Variants in TTC6 observed in about 807,000 individuals in gnomAD.
TTC6 encodes the protein tetratricopeptide repeat domain 6.
In TTC6, 172 loss-of-function variants were observed where a neutral mutation model predicts 210.4. The observed-to-expected ratio is 0.82, with a 90% CI of 0.72 to 0.93. The LOEUF (loss-of-function observed/expected upper bound fraction) is 0.93. Ranked by LOEUF, TTC6 falls within the 40% of genes least tolerant of loss-of-function variation. The pLI is 0.00. For missense variants in TTC6, 2,414 were observed against 2,318.1 expected (o/e 1.04, Z -0.85); for synonymous variants, 804 against 819.6 (o/e 0.98, Z 0.32).
At chr14:37,668,216 C>T (rs1468015638) in intron 1 of TTC6, among the ~76,000 whole-genome samples, 1 of 150,382 alleles carries the variant, frequency 6.6e-6, no homozygotes, top group Non-Finnish European at 1.5e-5. Context: ...GAGGGTTCTT[C>T]ATAATTTGAC....
At chr14:37,605,831 T>C (rs2139231046) in intron 1 of TTC6, among the ~76,000 whole-genome samples, 1 of 152,290 alleles carries the variant, frequency 6.6e-6, no homozygotes, top group African/African-American at 2.4e-5. Flanking sequence ...TACACCTGCT[T>C]TAGACCAGGC....
intron 1 of TTC6, among the ~76,000 whole-genome samples, chr14:37,659,470 A>G (rs986531785): frequency 6.6e-6 from 1 of 151,488 alleles, no homozygotes; most frequent in Non-Finnish European, 1.5e-5. Flanking sequence ...TTTTTTAATA[A>G]TAGCCATTCT....
intron 20 of TTC6, among the ~76,000 whole-genome samples, chr14:37,803,489 G>A (rs1234250329): frequency 2.0e-5 from 3 of 152,200 alleles, no homozygotes; most frequent in Non-Finnish European, 1.5e-5. Context: ...GAAAGAGAGA[G>A]AGATGGAGGA....
chr14:37,608,576 G>A (rs924330461), intron 2 of TTC6, among the ~76,000 whole-genome samples: 11 of 152,102 alleles, frequency 7.2e-5, no homozygotes, highest in Non-Finnish European at 1.3e-4. Flanking sequence ...CAAAGTGCTG[G>A]AATTACAGGT....
At chr14:37,811,033 A>T (rs34469876) in intron 24 of TTC6, among the ~76,000 whole-genome samples, 5,073 of 152,306 alleles carry the variant, frequency 0.033, 134 homozygotes, top group Non-Finnish European at 0.052. Context: ...GGGGCTAGTA[A>T]TGATAACAGA....
intron 3 of TTC6, among the ~76,000 whole-genome samples, chr14:37,692,864 TAAATAAA>T (rs1349243077): frequency 8.7e-5 from 1 of 11,462 alleles, no homozygotes; most frequent in African/African-American, 1.3e-3. Context: ...ATCTCAAAAA[TAAATAAA>T]TAAATAAATA....
At chr14:37,642,317 T>G (rs1004457749) in intron 1 of TTC6, among the ~76,000 whole-genome samples, 2 of 152,116 alleles carry the variant, frequency 1.3e-5, no homozygotes, top group Admixed American at 1.3e-4. Context: ...GCACCTAAGG[T>G]AGCACATTTT....
intron 14 of TTC6, among the ~76,000 whole-genome samples, chr14:37,770,881 G>A: frequency 6.7e-6 from 1 of 149,912 alleles, no homozygotes; most frequent in East Asian, 2.0e-4. Flanking sequence ...ATTAGTTGAT[G>A]CAGTTTCTTC....
intron 6 of TTC6, among the ~76,000 whole-genome samples, chr14:37,717,892 G>A (rs1363254180): frequency 6.6e-6 from 1 of 152,198 alleles, no homozygotes; most frequent in Non-Finnish European, 1.5e-5. Context: ...CCTTTAAGAG[G>A]TGATTAGGCC....
At chr14:37,837,839 A>T (rs992112673) in intron 29 of TTC6, among the ~76,000 whole-genome samples, 58 of 152,222 alleles carry the variant, frequency 3.8e-4, no homozygotes, top group Non-Finnish European at 7.8e-4. Context: ...CATATCACCC[A>T]TGATGGAAGT....
intron 13 of TTC6, 94 bp from the exon 16 acceptor site, chr14:37,753,005 G>A (rs1195488709): frequency 2.8e-5 from 28 of 984,214 alleles, no homozygotes; most frequent in Admixed American, 3.6e-5. Context: ...TTATTAACCC[G>A]AAGTTAAAAA....
At chr14:37,817,013 C>T (rs1211460243) in intron 25 of TTC6, among the ~76,000 whole-genome samples, 3 of 152,098 alleles carry the variant, frequency 2.0e-5, no homozygotes, top group African/African-American at 7.2e-5. Context: ...ATTAGAGTTT[C>T]CATTTCTCCC....
In TTC6 at chr14:37,692,582, G is replaced by A. The variant is rs138146877; in HGVS notation, c.1258-4135G>A. Among the ~76,000 whole-genome samples, 498 of 152,098 alleles carry A rather than the reference G, an allele frequency of 3.3e-3. 7 individuals are homozygous for A. Among genetic ancestry groups the A allele is most frequent in the African/African-American group, 0.011 (470 of 41,490 alleles). On this transcript the variant is annotated intron_variant, in intron 3 of 30. Coordinates refer to ENST00000553443, the Ensembl canonical transcript of TTC6. Reference sequence around the variant, plus strand: ...ATAAAAACCACATACGGTTTTTACCGGTGTGGTGGCTCACACCTGTAATCT... The same window carrying A: ...ATAAAAACCACATACGGTTTTTACCAGTGTGGTGGCTCACACCTGTAATCT...
At chr14:37,640,555 G>GT (rs2095689981) in intron 1 of TTC6, among the ~76,000 whole-genome samples, 1 of 151,752 alleles carries the variant, frequency 6.6e-6, no homozygotes, top group African/African-American at 2.4e-5. Context: ...TGTTTGTTTT[G>GT]TTTTTTGAGA....
chr14:37,751,767 AG>A (rs1168789612), intron 13 of TTC6, among the ~76,000 whole-genome samples: 18 of 151,696 alleles, frequency 1.2e-4, no homozygotes, highest in African/African-American at 4.1e-4. Context: ...GAAGGAAATA[AG>A]GATGGTGGGA....
intron 10 of TTC6, among the ~76,000 whole-genome samples, chr14:37,746,922 C>T (rs1175770295): frequency 6.6e-6 from 1 of 152,168 alleles, no homozygotes; most frequent in Non-Finnish European, 1.5e-5. Context: ...TTCATACCTC[C>T]TTGCATGTTA....
chr14:37,702,283 A>G (rs1417288706), intron 5 of TTC6, among the ~76,000 whole-genome samples: 1 of 152,146 alleles, frequency 6.6e-6, no homozygotes, highest in Non-Finnish European at 1.5e-5. Context: ...TGTCTAACTC[A>G]GTTTTTCTCA....
In TTC6 at chr14:37,754,553, C is replaced by G. The variant is rs143601086; in HGVS notation, c.3266+1318C>G. Among the ~76,000 whole-genome samples, 835 of 152,194 alleles carry G rather than the reference C, an allele frequency of 5.5e-3. 9 individuals are homozygous for G. The highest frequency in any genetic ancestry group is 0.02 in the African/African-American group (817 of 41,518). On this transcript the variant is annotated intron_variant, in intron 14 of 30. Transcript: ENST00000553443. ...GTTCAAGTGATTTTCCTGCCTCAGC[C>G]TTCCGAGTAGTTGGGATTACAGGCA...
At chr14:37,791,131 C>T (rs542480317) in intron 16 of TTC6, among the ~76,000 whole-genome samples, 7 of 152,026 alleles carry the variant, frequency 4.6e-5, no homozygotes, top group African/African-American at 1.7e-4. Context: ...TTGGAGATGC[C>T]CAGGCTAGAG....
Sources: allele counts gnomAD v4.1 joint callset (sites outside exome capture counted in the v4.1 genomes callset), GRCh38; gene constraint gnomAD v4.1.1; transcripts MANE v1.5; gene names NCBI Gene and HGNC (gene_info 2026-07-23, HGNC 2026-07-21).